Variants in SAMD8 observed in about 807,000 individuals in gnomAD.
The protein encoded by SAMD8 is sphingomyelin synthase-related protein 1.
A neutral mutation model predicts 42.0 loss-of-function variants in SAMD8; 20 were observed. That is an observed-to-expected ratio of 0.48 (90% CI 0.34 to 0.69). The LOEUF (loss-of-function observed/expected upper bound fraction) is 0.69. SAMD8 is among the 30% of genes least tolerant of loss of function. The pLI is 0.01. For synonymous variants in SAMD8, 162 were observed against 173.0 expected (o/e 0.94, Z 0.50); for missense variants, 328 against 511.6 (o/e 0.64, Z 3.46).
intron 2 of SAMD8, among the ~76,000 whole-genome samples, chr10:75,153,872 C>T (rs1010367359): frequency 7.3e-5 from 11 of 151,652 alleles, no homozygotes; most frequent in Non-Finnish European, 1.2e-4. Context: ...TCAAGCTATT[C>T]TCCTGCCTCA....
At chr10:75,141,864 C>T (rs577554222) in intron 1 of SAMD8, among the ~76,000 whole-genome samples, 2 of 151,626 alleles carry the variant, frequency 1.3e-5, no homozygotes, top group South Asian at 2.1e-4. Context: ...TTTTTTTTAT[C>T]TTATTACACT....
chr10:75,143,415 G>A (rs192267551), intron 1 of SAMD8, among the ~76,000 whole-genome samples: 86 of 152,052 alleles, frequency 5.7e-4, no homozygotes, highest in African/African-American at 2.0e-3. Flanking sequence ...TTTTGGTATG[G>A]TAACATTTTC....
At chr10:75,121,001 G>A (rs1848993679) in intron 1 of SAMD8, among the ~76,000 whole-genome samples, 1 of 151,662 alleles carries the variant, frequency 6.6e-6, no homozygotes, top group Non-Finnish European at 1.5e-5. Flanking sequence ...TTGTCTTGAA[G>A]TCTTAACCTC....
upstream of SAMD8, chr10:75,111,627 C>G (rs1016299382): frequency 8.0e-7 from 1 of 1,247,292 alleles, no homozygotes; most frequent in Non-Finnish European, 1.0e-6. Context: ...GCTTGAGGCG[C>G]TTCACTCCGG....
chr10:75,102,934 A>G (rs113104214), intron 1 of SAMD8, among the ~76,000 whole-genome samples: 29 of 152,214 alleles, frequency 1.9e-4, no homozygotes, highest in Non-Finnish European at 4.0e-4. Context: ...CCTTGGCAAC[A>G]AGAACGAAAC....
At chr10:75,130,185 A>G (rs929582220) in intron 1 of SAMD8, among the ~76,000 whole-genome samples, 1 of 152,050 alleles carries the variant, frequency 6.6e-6, no homozygotes, top group Non-Finnish European at 1.5e-5. Flanking sequence ...TCTTCAAAAT[A>G]AGATATGAAT....
In SAMD8 at chr10:75,150,607, T is replaced by C; in HGVS notation, c.79T>C (p.Phe27Leu). 1 of 1,614,192 alleles carries C rather than the reference T, an allele frequency of 6.2e-7. No individual in the cohort carries two copies. Among genetic ancestry groups the C allele is most frequent in the Non-Finnish European group, 8.5e-7 (1 of 1,180,030 alleles). Residue 27 changes from phenylalanine (F) to leucine (L), a missense_variant, in exon 2 of 6, where the codon TTT (phenylalanine) becomes CTT (leucine). Physicochemically the swap from Phe to Leu is conservative, Grantham distance 22. Around this residue, in one of 2 missense-constraint regions of SAMD8, gnomAD observed 150 missense variants for 186.0 expected, o/e 0.81. Transcript: ENST00000542569. ...VAVWLKDEGF[F>L]EYVDILCNKH... ...TGTGTGGCTGAAGGATGAAGGCTTT[T>C]TTGAATATGTGGACATTTTATGCAA...
intron 1 of SAMD8, among the ~76,000 whole-genome samples, chr10:75,118,770 C>T (rs1589932962): frequency 6.6e-6 from 1 of 151,852 alleles, no homozygotes; most frequent in Non-Finnish European, 1.5e-5. Flanking sequence ...TTGGATAATC[C>T]CAAATACTAT....
intron 2 of SAMD8, among the ~76,000 whole-genome samples, chr10:75,159,696 A>G (rs1840511818): frequency 6.6e-6 from 1 of 152,152 alleles, no homozygotes; most frequent in Non-Finnish European, 1.5e-5. Context: ...AATTGGGACG[A>G]CATTTAGATT....
upstream of SAMD8, chr10:75,108,407 G>C: frequency 1.0e-6 from 1 of 953,540 alleles, no homozygotes; most frequent in Non-Finnish European, 1.5e-6. Flanking sequence ...CCGGCGGTGT[G>C]TGTGTCGGGG....
intron 1 of SAMD8, among the ~76,000 whole-genome samples, chr10:75,102,713 G>A (rs1589903621): frequency 1.3e-5 from 2 of 152,190 alleles, no homozygotes; most frequent in East Asian, 1.9e-4. Flanking sequence ...AGCACTTTGG[G>A]AGGCCGAGGT....
intron 1 of SAMD8, among the ~76,000 whole-genome samples, chr10:75,146,028 A>T (rs1219120039): frequency 2.6e-5 from 4 of 152,120 alleles, no homozygotes; most frequent in Non-Finnish European, 5.9e-5. Context: ...AGACCCGCAG[A>T]TCTCTGGAGT....
chr10:75,126,038 C>T (rs1849123876), intron 1 of SAMD8, among the ~76,000 whole-genome samples: 1 of 152,186 alleles, frequency 6.6e-6, no homozygotes, highest in Non-Finnish European at 1.5e-5. Flanking sequence ...GATGGTTCAC[C>T]ACTGTTTCCT....
intron 1 of SAMD8, among the ~76,000 whole-genome samples, chr10:75,138,359 G>A (rs1463781959): frequency 6.6e-6 from 1 of 152,210 alleles, no homozygotes; most frequent in African/African-American, 2.4e-5. Flanking sequence ...CAGCTGATAA[G>A]TTGGAGAGGT....
chr10:75,138,432 G>A (rs1408099077), intron 1 of SAMD8, among the ~76,000 whole-genome samples: 2 of 152,142 alleles, frequency 1.3e-5, no homozygotes, highest in Admixed American at 1.3e-4. Context: ...TATGGTATTT[G>A]CAGTTTTAAT....
At chr10:75,124,028 G>A (rs897399459) in intron 1 of SAMD8, among the ~76,000 whole-genome samples, 4 of 151,884 alleles carry the variant, frequency 2.6e-5, no homozygotes, top group African/African-American at 9.7e-5. Flanking sequence ...GCACCCAGCC[G>A]GTCTTTTGTT....
upstream of SAMD8, among the ~76,000 whole-genome samples, chr10:75,107,346 GAA>G (rs750968267): frequency 3.4e-5 from 4 of 116,212 alleles, no homozygotes; most frequent in Non-Finnish European, 3.6e-5. Flanking sequence ...CTCTGTCTCA[GAA>G]AAAAAAAAAA....
At chr10:75,120,571 C>T (rs902510684) in intron 1 of SAMD8, among the ~76,000 whole-genome samples, 14 of 151,778 alleles carry the variant, frequency 9.2e-5, no homozygotes, top group African/African-American at 3.1e-4. Flanking sequence ...GCCCGGCCAG[C>T]GTCATACTTT....
intron 1 of SAMD8, among the ~76,000 whole-genome samples, chr10:75,120,686 C>T (rs1848984697): frequency 6.6e-6 from 1 of 151,346 alleles, no homozygotes; most frequent in Non-Finnish European, 1.5e-5. Context: ...TAGAGCAATG[C>T]ATTGAGTAAC....
Sources: gnomAD v4.1 joint callset for allele counts (sites outside exome capture counted in the v4.1 genomes callset) on GRCh38, gnomAD v4.1.1 for gene constraint, gnomAD v4.1.1 regional missense constraint, MANE v1.5 for transcripts, NCBI Gene and HGNC (gene_info 2026-07-23, HGNC 2026-07-21) for gene names.